The following LIMS4 variants were observed in gnomAD, a reference collection of about 807,000 sequenced individuals.
LIMS4 encodes the protein LIM zinc finger domain containing 4.
chr2:110,372,834 G>A, the LIMS4 span, among the ~76,000 whole-genome samples: 3 of 146,412 alleles, frequency 2.0e-5, no homozygotes, highest in Non-Finnish European at 4.4e-5. Context: ...CAGCGTTTCA[G>A]AGGCTGTGAC....
chr2:110,419,656 C>CAAAAAAAAAAAAAAAAA, the LIMS4 span, among the ~76,000 whole-genome samples: 3 of 8,130 alleles, frequency 3.7e-4, no homozygotes, highest in Non-Finnish European at 3.6e-4. Flanking sequence ...ACAACAACAA[C>CAAAAAAAAAAAAAAAAA]AAAAAAAAAA....
chr2:110,425,234 A>G, the LIMS4 span, among the ~76,000 whole-genome samples: 1 of 143,582 alleles, frequency 7.0e-6, no homozygotes, highest in African/African-American at 2.9e-5. Context: ...TCTTTAAAAA[A>G]AAAAGAGCTG....
the LIMS4 span, chr2:110,361,188 G>T: frequency 3.6e-6 from 3 of 834,440 alleles, no homozygotes; most frequent in African/African-American, 1.8e-5. Flanking sequence ...AGCTGGACAT[G>T]CTTCTCCAAC....
At chr2:110,366,348 C>G in the LIMS4 span, among the ~76,000 whole-genome samples, 2 of 152,202 alleles carry the variant, frequency 1.3e-5, no homozygotes, top group African/African-American at 2.4e-5. Flanking sequence ...CCACCATAAT[C>G]AAGCAGGGTT....
chr2:110,366,944 G>GAAAC, the LIMS4 span, among the ~76,000 whole-genome samples: 1 of 125,572 alleles, frequency 8.0e-6, no homozygotes, highest in Non-Finnish European at 1.7e-5. Flanking sequence ...ATTCACAATA[G>GAAAC]ACACACACAC....
the LIMS4 span, among the ~76,000 whole-genome samples, chr2:110,411,935 C>T: frequency 3.7e-4 from 2 of 5,376 alleles, no homozygotes; most frequent in Admixed American, 4.0e-3. Context: ...CCCATTTGTG[C>T]GCAACTTCTA....
chr2:110,411,009 G>A, the LIMS4 span, among the ~76,000 whole-genome samples: 3 of 5,124 alleles, frequency 5.9e-4, no homozygotes, highest in Admixed American at 5.5e-3. Context: ...GGTTTCAAGC[G>A]ATTCTCCTGC....
chr2:110,391,310 C>T, the LIMS4 span, among the ~76,000 whole-genome samples: 1 of 137,440 alleles, frequency 7.3e-6, no homozygotes, highest in Non-Finnish European at 1.5e-5. Flanking sequence ...CATGGTCTCT[C>T]AGGGGGCTGG....
chr2:110,397,343 G>T, the LIMS4 span: 2 of 146,146 alleles, frequency 1.4e-5, no homozygotes, highest in Non-Finnish European at 3.0e-5. Flanking sequence ...ATAGAATTGG[G>T]TAAATAACAA....
At chr2:110,366,005 G>T in the LIMS4 span, among the ~76,000 whole-genome samples, 2 of 151,196 alleles carry the variant, frequency 1.3e-5, no homozygotes, top group Non-Finnish European at 2.9e-5. Context: ...GACTAATAAT[G>T]AGTTTTGAAA....
the LIMS4 span, among the ~76,000 whole-genome samples, chr2:110,378,716 C>A: frequency 1.2e-5 from 1 of 83,460 alleles, no homozygotes. Context: ...TGTGTTAGGA[C>A]CTCTTTTATG....
chr2:110,425,571 G>C, the LIMS4 span, among the ~76,000 whole-genome samples: 3 of 140,626 alleles, frequency 2.1e-5, no homozygotes, highest in Non-Finnish European at 4.5e-5. Context: ...AAAATAGGGA[G>C]GTTATCCTGG....
At chr2:110,361,129 G>T in the LIMS4 span, 4 of 944,398 alleles carry the variant, frequency 4.2e-6, no homozygotes, top group Non-Finnish European at 6.7e-6. Context: ...CCTCCTCATT[G>T]ATGGCGTCTA....
the LIMS4 span, among the ~76,000 whole-genome samples, chr2:110,360,388 G>T: frequency 1.8e-5 from 1 of 55,288 alleles, no homozygotes. Context: ...AGTATAAAAA[G>T]TTATTCATTT....
the LIMS4 span, among the ~76,000 whole-genome samples, chr2:110,368,892 GT>G: frequency 1.9e-4 from 25 of 135,092 alleles, no homozygotes; most frequent in East Asian, 8.5e-4. Flanking sequence ...GTATGTAAAG[GT>G]TTTTTTTTTT....
the LIMS4 span, among the ~76,000 whole-genome samples, chr2:110,424,982 G>A: frequency 2.1e-5 from 3 of 144,102 alleles, 1 homozygote; most frequent in South Asian, 4.3e-4. Flanking sequence ...CACCCCAGCC[G>A]GCAGCGACAA....
chr2:110,365,920 C>T, the LIMS4 span, among the ~76,000 whole-genome samples: 1 of 148,938 alleles, frequency 6.7e-6, no homozygotes, highest in Admixed American at 6.6e-5. Context: ...AACTAGAAAA[C>T]CTACAAAATG....
chr2:110,376,217 T>C, the LIMS4 span: 1 of 139,008 alleles, frequency 7.2e-6, no homozygotes, highest in Non-Finnish European at 1.5e-5. Context: ...ACAGGATTCT[T>C]ACATAGTCAA....
At chr2:110,407,528 T>C in the LIMS4 span, among the ~76,000 whole-genome samples, 1 of 98,140 alleles carries the variant, frequency 1.0e-5, no homozygotes, top group African/African-American at 3.8e-5. Context: ...CCCTAGCTTC[T>C]ATGCTGGGTA....
Sources: allele counts gnomAD v4.1 joint callset (sites outside exome capture counted in the v4.1 genomes callset), GRCh38; gene constraint gnomAD v4.1.1; transcripts MANE v1.5; gene names NCBI Gene and HGNC (gene_info 2026-07-23, HGNC 2026-07-21).